Variants in TRDN observed in about 807,000 individuals in gnomAD.
TRDN encodes the protein triadin, also known as triadin in skeletal muscle.
A neutral mutation model predicts 149.7 loss-of-function variants in TRDN; 161 were observed. That is an observed-to-expected ratio of 1.08 (90% CI 0.95 to 1.23). TRDN has a LOEUF of 1.23. Ranked by LOEUF, TRDN falls within the 50% of genes most tolerant of loss-of-function variation. The pLI, the probability that TRDN is intolerant of heterozygous loss-of-function variation, is 0.00. For synonymous variants in TRDN, 294 were observed against 250.5 expected, an observed-to-expected ratio of 1.17 and a Z score of -1.64; for missense variants, 896 against 823.5, an observed-to-expected ratio of 1.09 and a Z score of -1.08.
intron 5 of TRDN, among the ~76,000 whole-genome samples, chr6:123,520,569 A>G (rs1002235091): frequency 2.0e-5 from 3 of 152,214 alleles, no homozygotes; most frequent in Non-Finnish European, 1.5e-5. Flanking sequence ...TTCATAATAA[A>G]AGTACTTTCA....
At chr6:123,459,792 G>C (rs1776345309) in intron 10 of TRDN, among the ~76,000 whole-genome samples, 1 of 152,054 alleles carries the variant, frequency 6.6e-6, no homozygotes, top group Admixed American at 6.6e-5. Flanking sequence ...ACACTTAATT[G>C]CCATTTTAGG....
chr6:123,423,421 T>A lies in TRDN; in HGVS notation c.1051+14642A>T, dbSNP rs373340264. On this transcript the variant is annotated intron_variant, in intron 12 of 40. Coordinates refer to ENST00000334268, the MANE Select transcript of TRDN (RefSeq NM_006073.4). ...CTACCAAAATAGGTATATTTAAACA[T>A]TTATCAGAGAAGTTATTTTCCTCCT... is the stretch of plus-strand genomic sequence containing the variant. Among the ~76,000 whole-genome samples, 150 of 152,292 alleles carry A rather than the reference T, an allele frequency of 9.8e-4. 2 individuals are homozygous for A. In the South Asian group the frequency reaches 0.022, roughly 22 times the overall value.
At chr6:123,529,498 A>G in intron 5 of TRDN, 1 of 776,682 alleles carries the variant, frequency 1.3e-6, no homozygotes, top group Admixed American at 2.1e-5. Flanking sequence ...CTTCCCAAAA[A>G]GAAAGCACAT....
chr6:123,367,309 C>G (rs1302873099), intron 19 of TRDN, among the ~76,000 whole-genome samples: 1 of 152,024 alleles, frequency 6.6e-6, no homozygotes, highest in Non-Finnish European at 1.5e-5. Flanking sequence ...CATATATATT[C>G]TTATTTTTAT....
intron 19 of TRDN, among the ~76,000 whole-genome samples, chr6:123,375,147 C>T (rs1300080142): frequency 6.6e-6 from 1 of 152,002 alleles, no homozygotes; most frequent in Non-Finnish European, 1.5e-5. Flanking sequence ...CTTCATAATC[C>T]AAGAATAGAA....
At chr6:123,458,474 G>A (rs1381324515) in intron 10 of TRDN, among the ~76,000 whole-genome samples, 1 of 152,200 alleles carries the variant, frequency 6.6e-6, no homozygotes, top group African/African-American at 2.4e-5. Context: ...GAGGAAGGAA[G>A]TCTTCTTTCA....
At chr6:123,520,178 A>G (rs1038210325) in intron 5 of TRDN, among the ~76,000 whole-genome samples, 12 of 152,106 alleles carry the variant, frequency 7.9e-5, no homozygotes, top group African/African-American at 2.9e-4. Context: ...TTAAGAGAAA[A>G]TCATGAACTT....
chr6:123,542,859 CGTGTGTGTGT>C (rs10678221), intron 4 of TRDN, among the ~76,000 whole-genome samples: 4 of 147,008 alleles, frequency 2.7e-5, no homozygotes, highest in Admixed American at 6.9e-5. Flanking sequence ...TGCATGTTTG[CGTGTGTGTGT>C]GTGTGTGTGT....
chr6:123,554,635 T>C (rs1390116260), intron 2 of TRDN, among the ~76,000 whole-genome samples: 1 of 152,178 alleles, frequency 6.6e-6, no homozygotes, highest in Non-Finnish European at 1.5e-5. Flanking sequence ...GTCTTGAAGG[T>C]AAACAAATTT....
intron 38 of TRDN, among the ~76,000 whole-genome samples, chr6:123,236,879 C>A (rs1582756939): frequency 6.6e-6 from 1 of 151,824 alleles, no homozygotes; most frequent in South Asian, 2.1e-4. Flanking sequence ...ATGATTATTC[C>A]AAATTTGTTC....
chr6:123,377,704 G>C lies in TRDN; in HGVS notation c.1246+12C>G, dbSNP rs748725438. The stretch of plus-strand genomic sequence containing the variant: ...TGAGTATTCGGAATCCAGCAACAGT[G>C]GTCTTACTCACCTGAGTGTTCTTTC... On this transcript the variant is annotated intron_variant, in intron 18 of 40. Transcript: ENST00000334268. 3.1e-6 allele frequency: 5 copies of C among 1,612,966 alleles called. No individual in the cohort carries two copies. The African/African-American group carries it at 6.7e-5, about 22-fold the overall frequency.
chr6:123,447,155 AG>A (rs1249486398), intron 10 of TRDN, among the ~76,000 whole-genome samples: 1 of 152,136 alleles, frequency 6.6e-6, no homozygotes, highest in Non-Finnish European at 1.5e-5. Flanking sequence ...TATTCTCAGA[AG>A]TCTGCTCTTC....
At chr6:123,568,176 C>T (rs892180243) in intron 2 of TRDN, among the ~76,000 whole-genome samples, 3 of 152,188 alleles carry the variant, frequency 2.0e-5, no homozygotes, top group Admixed American at 6.5e-5. Flanking sequence ...TAATCTTTCA[C>T]TCTGTGTCCC....
At chr6:123,432,999 A>T (rs1337658203) in intron 12 of TRDN, among the ~76,000 whole-genome samples, 3 of 151,554 alleles carry the variant, frequency 2.0e-5, no homozygotes, top group Non-Finnish European at 2.9e-5. Context: ...AAGAGCATCA[A>T]CTATAATCTA....
intron 38 of TRDN, among the ~76,000 whole-genome samples, chr6:123,240,831 A>G (rs914602444): frequency 6.6e-6 from 1 of 151,990 alleles, no homozygotes; most frequent in Admixed American, 6.6e-5. Context: ...ATGTGTCATC[A>G]TTAATCATTG....
chr6:123,590,978 G>A (rs138346449), intron 1 of TRDN, among the ~76,000 whole-genome samples: 68 of 152,048 alleles, frequency 4.5e-4, no homozygotes, highest in African/African-American at 1.4e-3. Context: ...TAGCCCAAGC[G>A]CTTTGATATA....
chr6:123,318,178 G>A (rs1779103384), intron 23 of TRDN, among the ~76,000 whole-genome samples: 1 of 151,858 alleles, frequency 6.6e-6, no homozygotes, highest in African/African-American at 2.4e-5. Flanking sequence ...TCACTGGAAA[G>A]GAAACAACTT....
chr6:123,586,540 TACA>T (rs1293402042), intron 1 of TRDN, among the ~76,000 whole-genome samples: 4 of 152,184 alleles, frequency 2.6e-5, no homozygotes, highest in Non-Finnish European at 5.9e-5. Context: ...TTGCCCATTT[TACA>T]ACAAGAATTA....
intron 1 of TRDN, among the ~76,000 whole-genome samples, chr6:123,586,225 G>T (rs919447405): frequency 2.6e-5 from 4 of 152,160 alleles, no homozygotes; most frequent in African/African-American, 4.8e-5. Context: ...GCAGGTGAGG[G>T]CTAGTCACGG....
Sources: gnomAD v4.1 joint callset for allele counts (sites outside exome capture counted in the v4.1 genomes callset) on GRCh38, gnomAD v4.1.1 for gene constraint, MANE v1.5 for transcripts, NCBI Gene and HGNC (gene_info 2026-07-23, HGNC 2026-07-21) for gene names.